Variants in GFRA1 observed in about 807,000 individuals in gnomAD.
GFRA1 encodes GDNF family receptor alpha 1.
A neutral mutation model predicts 51.6 loss-of-function variants in GFRA1; 16 were observed. That is an observed-to-expected ratio of 0.31 (90% CI 0.21 to 0.47). GFRA1 has a LOEUF of 0.47. Among genes scored for constraint, GFRA1 ranks in the 20% least tolerant of loss-of-function variants. GFRA1 has a pLI of 1.00. For synonymous variants in GFRA1, 270 were observed against 241.3 expected, an observed-to-expected ratio of 1.12 and a Z score of -1.10; for missense variants, 530 against 594.3, an observed-to-expected ratio of 0.89 and a Z score of 1.13.
At chr10:116,252,543 T>A (rs1371242227) in intron 4 of GFRA1, among the ~76,000 whole-genome samples, 1 of 152,100 alleles carries the variant, frequency 6.6e-6, no homozygotes, top group African/African-American at 2.4e-5. Context: ...AGGCTATCAA[T>A]GGTCATGCAT....
intron 7 of GFRA1, among the ~76,000 whole-genome samples, chr10:116,095,885 A>C (rs1956548938): frequency 6.6e-6 from 1 of 151,988 alleles, no homozygotes; most frequent in Non-Finnish European, 1.5e-5. Flanking sequence ...ATTCCTTCCC[A>C]AATGCCAGTT....
intron 5 of GFRA1, among the ~76,000 whole-genome samples, chr10:116,180,351 A>G (rs1962091789): frequency 6.6e-6 from 1 of 152,218 alleles, no homozygotes; most frequent in Admixed American, 6.5e-5. Flanking sequence ...TCACAAATAT[A>G]AAATTTTCTT....
chr10:116,065,794 T>G (rs1351315293), intron 9 of GFRA1, among the ~76,000 whole-genome samples, 168 bp from the exon 10 acceptor site: 1 of 152,188 alleles, frequency 6.6e-6, no homozygotes, highest in Non-Finnish European at 1.5e-5. Context: ...TAAAGAGATA[T>G]CAGGTGAAGT....
At chr10:116,150,434 G>A (rs1959014956) in intron 5 of GFRA1, among the ~76,000 whole-genome samples, 1 of 152,170 alleles carries the variant, frequency 6.6e-6, no homozygotes, top group Admixed American at 6.5e-5. Flanking sequence ...TTAGGTGGGA[G>A]TCATGGAAAT....
chr10:116,062,441 CAGTACTG>C lies in GFRA1; in HGVS notation c.*1950_*1956del, dbSNP rs1458290574. The C allele has an allele frequency of 3.9e-6, 1 of 259,318 alleles. No individual in the cohort carries two copies. Among genetic ancestry groups the C allele is most frequent in the Non-Finnish European group, 7.2e-6 (1 of 139,038 alleles). The allele number at this position is 259,318 out of a possible 1,614,324, so 16.1% of individuals were successfully genotyped here. A position where few individuals can be genotyped will look rare whatever the true frequency, so the allele number is the denominator to read the frequency against. On this transcript the variant is annotated 3_prime_UTR_variant, in exon 11 of 11. Transcript: ENST00000355422. Reference sequence around the variant, plus strand: ...GAAAACATTTTGAAGTGAAAAAAGTCAGTACTGAGTACTGTACATTTGTGTTGATTAA... The same window carrying C: ...GAAAACATTTTGAAGTGAAAAAAGTCAGTACTGTACATTTGTGTTGATTAA...
At chr10:116,211,264 T>C (rs1965171953) in intron 5 of GFRA1, among the ~76,000 whole-genome samples, 1 of 152,194 alleles carries the variant, frequency 6.6e-6, no homozygotes, top group South Asian at 2.1e-4. Context: ...CTGAGCCGGA[T>C]GCAGGAGCCC....
intron 4 of GFRA1, among the ~76,000 whole-genome samples, chr10:116,230,747 C>T (rs1966629979): frequency 6.6e-6 from 1 of 151,410 alleles, no homozygotes; most frequent in Non-Finnish European, 1.5e-5. Context: ...CACACACAGA[C>T]AATTTAACAC....
At position 116,224,643 on chromosome 10, in the gene GFRA1, A is replaced by T. The variant is rs114898437; in HGVS notation, c.419-12998T>A. Among the ~76,000 whole-genome samples the T allele has an allele frequency of 5.1e-3, 777 of 152,322 alleles. 7 individuals carry two copies. Among genetic ancestry groups the T allele is most frequent in the African/African-American group, 0.016 (646 of 41,562 alleles). ...TTATATGAAATATCCAGAATTGGTA[A>T]ATCAAGAGACAGAAAATAGAGTAAT... On this transcript the variant is annotated intron_variant, in intron 4 of 10. Coordinates refer to ENST00000355422, the MANE Select transcript of GFRA1 (RefSeq NM_005264.8).
Position 116,125,363 on chromosome 10 carries a change from C to T in GFRA1, c.628G>A (p.Gly210Arg), listed in dbSNP as rs746138428. 1.5e-5 allele frequency: 24 copies of T among 1,614,146 alleles called. No individual in the cohort carries two copies. The East Asian group carries it at 1.8e-4, about 12-fold the overall frequency. Residue 210 changes from glycine (G) to arginine (R), a missense_variant, in exon 6 of 11, where the codon GGA (glycine) becomes AGA (arginine). Transcript: ENST00000355422. ...FDKVPAKHSY[G>R]MLFCSCRDIA... ...TCCCGGCAGGAGCAGAAGAGCATTC[C>T]GTAGCTGTGCTTGGCCGGGACCTTG...
intron 6 of GFRA1, among the ~76,000 whole-genome samples, chr10:116,100,056 T>G (rs183197505): frequency 1.1e-4 from 16 of 152,304 alleles, no homozygotes; most frequent in African/African-American, 3.9e-4. Flanking sequence ...GTTTTACTAT[T>G]ACACAGCTGC....
At chr10:116,096,454 C>A (rs917789386) in intron 7 of GFRA1, among the ~76,000 whole-genome samples, 2 of 151,902 alleles carry the variant, frequency 1.3e-5, no homozygotes, top group African/African-American at 4.8e-5. Context: ...CTCTGCCTTT[C>A]ACGCATCCAT....
chr10:116,187,121 T>C (rs1296734890), intron 5 of GFRA1, among the ~76,000 whole-genome samples: 2 of 152,204 alleles, frequency 1.3e-5, no homozygotes, highest in Non-Finnish European at 2.9e-5. Flanking sequence ...AAGACAGGGT[T>C]TTAAAGGCAA....
rs530702687 is a variant in GFRA1, at chr10:116,241,510, G to T, written c.418+27993C>A. ...ACATGAGCATCCTCACCTGATCCAAGTGGTAGCTCGATGAGCATTAATACA... is the reference window on the plus strand; with the variant it reads ...ACATGAGCATCCTCACCTGATCCAATTGGTAGCTCGATGAGCATTAATACA... On this transcript the variant is annotated intron_variant, in intron 4 of 10. Transcript: ENST00000355422. Among the ~76,000 whole-genome samples, 4 of 152,326 alleles carry T rather than the reference G, an allele frequency of 2.6e-5. No individual in the cohort carries two copies. In the South Asian group the frequency reaches 8.3e-4, roughly 32 times the overall value.
intron 6 of GFRA1, among the ~76,000 whole-genome samples, chr10:116,112,128 G>C (rs904741257): frequency 9.2e-5 from 14 of 152,202 alleles, no homozygotes; most frequent in Non-Finnish European, 1.6e-4. Flanking sequence ...TTGAATTTTT[G>C]AGTGTGAAAG....
In GFRA1 at chr10:116,272,421, G is replaced by A. The variant is rs907053901; in HGVS notation, c.-246-146C>T. 4 of 334,506 alleles carry A rather than the reference G, an allele frequency of 1.2e-5. No individual in the cohort carries two copies. The highest frequency in any genetic ancestry group is 4.2e-5 in the Admixed American group (1 of 23,656). 20.7% of individuals were successfully genotyped at this position (334,506 alleles called of 1,614,324 possible). A position where few individuals can be genotyped will look rare whatever the true frequency, so the allele number is the denominator to read the frequency against. On this transcript the variant is annotated intron_variant, in intron 1 of 10. Coordinates refer to ENST00000355422, the MANE Select transcript of GFRA1 (RefSeq NM_005264.8). This position sits in a 1 kb window ranked among gnomAD's most constrained non-coding sequence, Gnocchi z 4.4. ...CCCCCACCCAGGTCGGGGTGCATGT[G>A]CGTGTTTTCCAGGGGCCGCTGACAC... is the stretch of plus-strand genomic sequence containing the variant.
chr10:116,249,470 T>C (rs1410547884), intron 4 of GFRA1, among the ~76,000 whole-genome samples: 2 of 152,198 alleles, frequency 1.3e-5, no homozygotes, highest in African/African-American at 2.4e-5. Flanking sequence ...GTCCTACTTC[T>C]GGCCTTCTGA....
intron 6 of GFRA1, among the ~76,000 whole-genome samples, chr10:116,111,620 ACTC>A (rs1316592121): frequency 6.6e-6 from 1 of 151,554 alleles, no homozygotes; most frequent in Non-Finnish European, 1.5e-5. Context: ...TCTGGTGCCT[ACTC>A]CTCATTTTCA....
intron 2 of GFRA1, among the ~76,000 whole-genome samples, chr10:116,271,743 C>G (rs145892634): frequency 0.011 from 1,662 of 152,344 alleles, 18 homozygotes; most frequent in Non-Finnish European, 0.017. Flanking sequence ...TCTTAGTCCC[C>G]CGCCAAGTTG....
At chr10:116,073,241 G>A (rs1955479601) in intron 9 of GFRA1, among the ~76,000 whole-genome samples, 1 of 152,206 alleles carries the variant, frequency 6.6e-6, no homozygotes, top group Admixed American at 6.5e-5. Context: ...AAGATGGCAA[G>A]GAGTGCTGCG....
Sources: allele counts gnomAD v4.1 joint callset (sites outside exome capture counted in the v4.1 genomes callset), GRCh38; gene constraint gnomAD v4.1.1; non-coding constraint Gnocchi (gnomAD v3.1); transcripts MANE v1.5; gene names NCBI Gene and HGNC (gene_info 2026-07-23, HGNC 2026-07-21).